The following KIAA0319 variants were observed in gnomAD, a reference collection of about 807,000 sequenced individuals.
KIAA0319 encodes the protein dyslexia-associated protein KIAA0319.
Under a neutral mutation model 108.4 loss-of-function variants are expected in KIAA0319, and 83 were observed. The observed-to-expected ratio is 0.77, with a 90% CI of 0.64 to 0.92. The LOEUF is 0.92. Among genes scored for constraint, KIAA0319 ranks in the 40% least tolerant of loss-of-function variants. The probability of loss-of-function intolerance (pLI) is 0.00; values close to 1 mark genes in which losing one functional copy is unlikely to be tolerated. For missense variants in KIAA0319, 1,195 were observed against 1,322.4 expected, an observed-to-expected ratio of 0.90 and a Z score of 1.49; for synonymous variants, 484 against 510.4, an observed-to-expected ratio of 0.95 and a Z score of 0.70.
intron 1 of KIAA0319, among the ~76,000 whole-genome samples, chr6:24,642,491 C>T (rs1777095584): frequency 6.6e-6 from 1 of 152,072 alleles, no homozygotes; most frequent in African/African-American, 2.4e-5. Context: ...AAGGGACAGC[C>T]CATACTTCCC....
In KIAA0319 at chr6:24,571,116, C is replaced by T. The variant is rs774576184; in HGVS notation, c.1859-1081G>A. Among the ~76,000 whole-genome samples the T allele has an allele frequency of 4.0e-5, 6 of 151,662 alleles. 1 individual carries two copies. The Middle Eastern group carries it at 0.02, about 516-fold the overall frequency. On this transcript the variant is annotated intron_variant, in intron 11 of 20. Coordinates refer to ENST00000378214, the MANE Select transcript of KIAA0319 (RefSeq NM_014809.4). ...CTGAGGCACTAGAATCATTTGAACC[C>T]GGGAGGCAGAGATTGCAGTGAGTCA...
In KIAA0319 at chr6:24,596,014, C is replaced by G; in HGVS notation, c.660G>C (p.Glu220Asp). The change falls in exon 3 of 21, where the codon GAG becomes GAC. Residue 220 changes from glutamate to aspartate, a missense_variant. Transcript: ENST00000378214. ...QQDPELHYLN[E>D]SASTPAPKLP... Reference sequence around the variant, plus strand: ...GTTTTGGGGCAGGGGTTGAAGCCGACTCATTCAGGTAATGGAGCTCAGGGT... The same window carrying G: ...GTTTTGGGGCAGGGGTTGAAGCCGAGTCATTCAGGTAATGGAGCTCAGGGT... The G allele has an allele frequency of 8.1e-6, 13 of 1,614,204 alleles. No individual in the cohort carries two copies. The highest frequency in any genetic ancestry group is 1.1e-5 in the Non-Finnish European group (13 of 1,180,032).
intron 6 of KIAA0319, among the ~76,000 whole-genome samples, chr6:24,581,342 C>G (rs575383262): frequency 6.6e-6 from 1 of 152,206 alleles, no homozygotes; most frequent in Admixed American, 6.5e-5. Flanking sequence ...CATTGGTTGC[C>G]GGTGGTCTGG....
At chr6:24,567,752 A>G (rs1764100378) in intron 13 of KIAA0319, among the ~76,000 whole-genome samples, 1 of 152,154 alleles carries the variant, frequency 6.6e-6, no homozygotes, top group Non-Finnish European at 1.5e-5. Context: ...CTGATGTAAT[A>G]ACTTCAGAAA....
chr6:24,563,250 C>A, intron 16 of KIAA0319, 109 bp downstream of exon 16: 4 of 1,287,722 alleles, frequency 3.1e-6, no homozygotes, highest in South Asian at 1.6e-5. Flanking sequence ...AAAAGTGTGT[C>A]AAAAATACAA....
intron 1 of KIAA0319, among the ~76,000 whole-genome samples, chr6:24,605,121 A>G (rs1771217261): frequency 6.6e-6 from 1 of 152,236 alleles, no homozygotes; most frequent in Admixed American, 6.5e-5. Flanking sequence ...GATTATAGGC[A>G]TGAGCCACCA....
intron 6 of KIAA0319, among the ~76,000 whole-genome samples, 166 bp downstream of exon 6, chr6:24,582,083 T>A (rs1417974214): frequency 6.6e-6 from 1 of 152,084 alleles, no homozygotes; most frequent in African/African-American, 2.4e-5. Flanking sequence ...GAGGCAGAGG[T>A]TGCAGTGAGC....
rs773691612 is a variant in KIAA0319 at position 24,559,013 on chromosome 6, C to T, written c.2734G>A (p.Gly912Ser). Residue 912 changes from glycine (G) to serine (S), a missense_variant and splice_region_variant, in exon 17 of 21, where the codon GGT becomes AGT. Gly to Ser is a moderately conservative substitution (Grantham distance 56, BLOSUM62 0). Transcript: ENST00000378214. Reference protein sequence around the residue: ...LFKVLRVDTAGCLLKCSGHGH... With the variant: ...LFKVLRVDTASCLLKCSGHGH... ...TTAGAATATTCCATAGGAGACCTAC[C>T]TGCTGTATCAACCCTCAAGACCTTG... 5 of 1,609,528 alleles carry T rather than the reference C, an allele frequency of 3.1e-6. No individual in the cohort carries two copies. The South Asian group carries it at 4.4e-5, about 14-fold the overall frequency.
intron 1 of KIAA0319, among the ~76,000 whole-genome samples, chr6:24,633,152 A>T (rs893538178): frequency 6.6e-6 from 1 of 152,244 alleles, no homozygotes; most frequent in Non-Finnish European, 1.5e-5. Flanking sequence ...AAAAATCAGC[A>T]TTGCAGTAAC....
At chr6:24,625,959 A>G (rs1330850202) in intron 1 of KIAA0319, among the ~76,000 whole-genome samples, 1 of 152,244 alleles carries the variant, frequency 6.6e-6, no homozygotes, top group Non-Finnish European at 1.5e-5. Context: ...CCATAGGCTT[A>G]AAATGGATAA....
intron 4 of KIAA0319, 126 bp downstream of exon 4, chr6:24,588,467 T>C (rs1767906744): frequency 1.3e-6 from 1 of 774,574 alleles, no homozygotes; most frequent in Admixed American, 2.2e-5. Flanking sequence ...GCAGCACCGT[T>C]TCTGGCACAT....
At chr6:24,608,697 G>A (rs563302428) in intron 1 of KIAA0319, among the ~76,000 whole-genome samples, 18 of 151,994 alleles carry the variant, frequency 1.2e-4, no homozygotes, top group Middle Eastern at 6.8e-3. Flanking sequence ...TTGGGAGGCC[G>A]AGGCGGGCGG....
At position 24,554,974 on chromosome 6, in the gene KIAA0319, T is replaced by C. The variant is rs575641386; in HGVS notation, c.2858-343A>G. Among the ~76,000 whole-genome samples the C allele has an allele frequency of 4.6e-5, 7 of 152,296 alleles. No homozygotes were observed. The South Asian group carries it at 1.4e-3, about 32-fold the overall frequency. ...ATGTATACCACATCAAAATATTCATTCCAGAATGCCAAAAATCACAACCCC... is the reference window on the plus strand; with the variant it reads ...ATGTATACCACATCAAAATATTCATCCCAGAATGCCAAAAATCACAACCCC... On this transcript the variant is annotated intron_variant, in intron 18 of 20. Coordinates refer to ENST00000378214, the MANE Select transcript of KIAA0319 (RefSeq NM_014809.4).
intron 3 of KIAA0319, among the ~76,000 whole-genome samples, chr6:24,591,306 T>G (rs1325286889): frequency 6.6e-6 from 1 of 152,166 alleles, no homozygotes; most frequent in Non-Finnish European, 1.5e-5. Flanking sequence ...CAAGACTGTC[T>G]TCCGAAGCAG....
intron 10 of KIAA0319, among the ~76,000 whole-genome samples, chr6:24,573,226 G>A (rs1764982053): frequency 6.6e-6 from 1 of 152,158 alleles, no homozygotes; most frequent in African/African-American, 2.4e-5. Flanking sequence ...TATGAAAACA[G>A]CTATTAAAAT....
chr6:24,637,980 A>G (rs953357762), intron 1 of KIAA0319, among the ~76,000 whole-genome samples: 7 of 152,234 alleles, frequency 4.6e-5, no homozygotes, highest in African/African-American at 9.6e-5. Flanking sequence ...CTAGAGGGAT[A>G]CTTCCCAACA....
At chr6:24,611,111 AGTT>A (rs1772244405) in intron 1 of KIAA0319, among the ~76,000 whole-genome samples, 1 of 152,002 alleles carries the variant, frequency 6.6e-6, no homozygotes. Flanking sequence ...GTAGATTAGT[AGTT>A]GTTCAGGGTT....
At chr6:24,596,717 C>T in intron 2 of KIAA0319, 99 bp from the exon 3 acceptor site, 3 of 1,092,362 alleles carry the variant, frequency 2.7e-6, no homozygotes, top group Non-Finnish European at 3.9e-6. Flanking sequence ...CAATCCCTGG[C>T]CAGTCTGGCA....
rs1287861625 is a variant in KIAA0319, at chr6:24,558,364, TCTAG to T, written c.2734+645_2734+648del. 2.0e-3 allele frequency among the ~76,000 whole-genome samples: 168 copies of T among 86,132 alleles called. 1 individual carries two copies. Among genetic ancestry groups the T allele is most frequent in the Non-Finnish European group, 3.1e-3 (127 of 41,234 alleles). 56.5% of individuals were successfully genotyped at this position (86,132 alleles called of 152,430 possible). The stretch of plus-strand genomic sequence containing the variant: ...TCAATTGTAGATGGATATATATATA[TCTAG>T]ATAGATAGATAGATAGATAGATAGA... On this transcript the variant is annotated intron_variant, in intron 17 of 20. Coordinates refer to ENST00000378214, the MANE Select transcript of KIAA0319 (RefSeq NM_014809.4).
Sources: gnomAD v4.1 joint callset for allele counts (sites outside exome capture counted in the v4.1 genomes callset) on GRCh38, gnomAD v4.1.1 for gene constraint, MANE v1.5 for transcripts, NCBI Gene and HGNC (gene_info 2026-07-23, HGNC 2026-07-21) for gene names.